The following SLIT3 variants were observed in gnomAD, a reference collection of about 807,000 sequenced individuals.
The protein encoded by SLIT3 is slit homolog 3 protein.
A neutral mutation model predicts 184.0 loss-of-function variants in SLIT3; 68 were observed. The ratio of observed to expected loss-of-function variants is 0.37; its 90% CI spans 0.30 to 0.45. The LOEUF is 0.45. SLIT3 is among the 20% of genes least tolerant of loss of function. The pLI is 1.00. For missense variants in SLIT3, 1,707 were observed against 2,026.0 expected, an observed-to-expected ratio of 0.84 and a Z score of 3.02; for synonymous variants, 831 against 828.6, an observed-to-expected ratio of 1.00 and a Z score of -0.05.
chr5:168,671,151 C>T, intron 34 of SLIT3, 47 bp downstream of exon 34: 1 of 1,578,938 alleles, frequency 6.3e-7, no homozygotes, highest in Non-Finnish European at 8.6e-7. Flanking sequence ...GGGACTGAGG[C>T]CATTCTGGGA....
At chr5:168,794,624 T>TGTAGGAG (rs1756502045) in intron 10 of SLIT3, among the ~76,000 whole-genome samples, 2 of 152,038 alleles carry the variant, frequency 1.3e-5, no homozygotes, top group African/African-American at 4.8e-5. Flanking sequence ...ATGTAGGGGG[T>TGTAGGAG]GCTCACATGT....
intron 4 of SLIT3, among the ~76,000 whole-genome samples, chr5:169,107,217 T>C (rs1297720376): frequency 1.3e-5 from 2 of 152,220 alleles, no homozygotes; most frequent in East Asian, 1.9e-4. Context: ...TCTCCCTCTC[T>C]CTTTTTCATA....
intron 4 of SLIT3, among the ~76,000 whole-genome samples, chr5:169,172,864 A>G (rs1249906115): frequency 2.0e-5 from 3 of 152,232 alleles, no homozygotes; most frequent in Non-Finnish European, 2.9e-5. Context: ...GAGTTGGAGT[A>G]TGGCTGATGC....
chr5:168,779,933 G>A (rs1755906728), intron 12 of SLIT3, among the ~76,000 whole-genome samples: 1 of 152,206 alleles, frequency 6.6e-6, no homozygotes, highest in Non-Finnish European at 1.5e-5. Flanking sequence ...AGCCCCATGG[G>A]GAGAAGATCG....
chr5:169,286,610 A>T (rs1767155846), intron 1 of SLIT3, among the ~76,000 whole-genome samples: 1 of 152,220 alleles, frequency 6.6e-6, no homozygotes, highest in Non-Finnish European at 1.5e-5. Context: ...CCAAGGTCAC[A>T]TGGTGTGTCA....
chr5:169,132,247 A>C (rs1186220276), intron 4 of SLIT3, among the ~76,000 whole-genome samples: 3 of 152,182 alleles, frequency 2.0e-5, no homozygotes, highest in African/African-American at 7.2e-5. Context: ...GAGCCAAGTG[A>C]AATTCCAGAA....
intron 20 of SLIT3, among the ~76,000 whole-genome samples, chr5:168,746,631 G>C (rs1219234078): frequency 5.9e-5 from 7 of 117,916 alleles, no homozygotes; most frequent in African/African-American, 1.9e-4. Context: ...TGGTGGTGTG[G>C]TGGTGTGTAG....
At chr5:168,874,539 T>G (rs78055301) in intron 5 of SLIT3, among the ~76,000 whole-genome samples, 1 of 152,188 alleles carries the variant, frequency 6.6e-6, no homozygotes, top group Admixed American at 6.5e-5. Context: ...GACAGCTGAG[T>G]AGACAGTTAT....
intron 3 of SLIT3, among the ~76,000 whole-genome samples, chr5:169,206,955 G>A (rs1764088712): frequency 6.6e-6 from 1 of 151,404 alleles, no homozygotes; most frequent in South Asian, 2.1e-4. Context: ...TATGAGAACT[G>A]TAGGATGGAA....
chr5:169,140,865 T>C (rs1439111915), intron 4 of SLIT3, among the ~76,000 whole-genome samples: 3 of 152,166 alleles, frequency 2.0e-5, no homozygotes, highest in East Asian at 1.9e-4. Flanking sequence ...AAAACCTCAG[T>C]GGTTCCTCAC....
At chr5:168,795,612 A>G (rs775489083) in intron 9 of SLIT3, 34 bp from the exon 10 acceptor site, 1 of 1,561,814 alleles carries the variant, frequency 6.4e-7, no homozygotes, top group South Asian at 1.1e-5. Flanking sequence ...TGAATTAACC[A>G]TCCACCTGTC....
At chr5:169,119,717 C>T (rs182055130) in intron 4 of SLIT3, among the ~76,000 whole-genome samples, 52 of 145,630 alleles carry the variant, frequency 3.6e-4, no homozygotes, top group African/African-American at 1.2e-3. Context: ...TGGCACGCTG[C>T]CTCTGTGGGT....
chr5:169,206,449 A>G (rs1257482811), intron 3 of SLIT3, among the ~76,000 whole-genome samples: 1 of 152,214 alleles, frequency 6.6e-6, no homozygotes, highest in Non-Finnish European at 1.5e-5. Flanking sequence ...AAACTGCCAG[A>G]TGCAAATTGA....
intron 4 of SLIT3, among the ~76,000 whole-genome samples, chr5:168,922,456 C>CAAAAA (rs34132541): frequency 4.0e-4 from 33 of 81,972 alleles, no homozygotes; most frequent in African/African-American, 1.0e-3. Flanking sequence ...GACTCTGTCT[C>CAAAAA]AAAAAAAAAA....
intron 4 of SLIT3, among the ~76,000 whole-genome samples, chr5:169,169,636 C>A (rs1762756034): frequency 6.6e-6 from 1 of 152,162 alleles, no homozygotes; most frequent in African/African-American, 2.4e-5. Flanking sequence ...ACAAATTGGT[C>A]CCTATCAGAG....
chr5:168,767,676 G>A (rs546957798), intron 14 of SLIT3, among the ~76,000 whole-genome samples: 9 of 152,316 alleles, frequency 5.9e-5, no homozygotes, highest in South Asian at 2.1e-4. Context: ...TCATGCTGAC[G>A]TTCATTTCAA....
At chr5:168,890,727 T>C (rs1760423064) in intron 4 of SLIT3, among the ~76,000 whole-genome samples, 1 of 152,210 alleles carries the variant, frequency 6.6e-6, no homozygotes, top group Non-Finnish European at 1.5e-5. Context: ...GGGTTGATAC[T>C]TATTGGAGCT....
At chr5:169,131,134 C>A (rs1761280829) in intron 4 of SLIT3, among the ~76,000 whole-genome samples, 1 of 152,198 alleles carries the variant, frequency 6.6e-6, no homozygotes, top group African/African-American at 2.4e-5. Context: ...AGTTAGCTCA[C>A]CCATTGGCTG....
At chr5:169,107,504 G>A (rs1243156866) in intron 4 of SLIT3, among the ~76,000 whole-genome samples, 1 of 152,218 alleles carries the variant, frequency 6.6e-6, no homozygotes, top group Non-Finnish European at 1.5e-5. Flanking sequence ...TTTGAACATG[G>A]TGAGCCAATT....
Sources: allele counts gnomAD v4.1 joint callset (sites outside exome capture counted in the v4.1 genomes callset), GRCh38; gene constraint gnomAD v4.1.1; transcripts MANE v1.5; gene names NCBI Gene and HGNC (gene_info 2026-07-23, HGNC 2026-07-21).